Variants in HAVCR1 observed in about 807,000 individuals in gnomAD.
The protein encoded by HAVCR1 is hepatitis A virus cellular receptor 1, also known as T cell immunoglobin domain and mucin domain protein 1.
Under a neutral mutation model 32.0 loss-of-function variants are expected in HAVCR1, and 34 were observed. The observed-to-expected ratio is 1.06, with a 90% confidence interval of 0.81 to 1.42. The LOEUF is 1.42. Ranked by LOEUF, HAVCR1 falls within the 40% of genes most tolerant of loss-of-function variation. HAVCR1 has a pLI of 0.00. For synonymous variants in HAVCR1, 178 were observed against 170.3 expected (o/e 1.05, Z -0.35); for missense variants, 420 against 442.3 (o/e 0.95, Z 0.45).
intron 7 of HAVCR1, among the ~76,000 whole-genome samples, chr5:157,035,426 G>C (rs1009320213): frequency 6.6e-6 from 1 of 152,106 alleles, no homozygotes; most frequent in Non-Finnish European, 1.5e-5. Flanking sequence ...TTCTTTTATG[G>C]GAGGCAGGTT....
rs371989013 is a variant in HAVCR1 at position 157,058,663 on chromosome 5, G to T, written c.-13+258C>A. On this transcript the variant is annotated intron_variant, in intron 1 of 8. Transcript: ENST00000523175. The stretch of plus-strand genomic sequence containing the variant: ...GAGAGCAAATGCCAGCCTTCCAGTG[G>T]CAGAGATGCACTTGCTTTTCAGAGT... Among the ~76,000 whole-genome samples the T allele has an allele frequency of 1.1e-4, 16 of 152,346 alleles. 1 individual carries two copies. In the East Asian group the frequency reaches 2.5e-3, roughly 24 times the overall value.
intron 1 of HAVCR1, among the ~76,000 whole-genome samples, 190 bp downstream of exon 1, chr5:157,058,731 G>A (rs1756384191): frequency 6.6e-6 from 1 of 152,190 alleles, no homozygotes; most frequent in South Asian, 2.1e-4. Context: ...CTACTCAGTG[G>A]CCACAACGAC....
At chr5:157,047,214 TG>T (rs1299871589) in intron 5 of HAVCR1, among the ~76,000 whole-genome samples, 1 of 152,102 alleles carries the variant, frequency 6.6e-6, no homozygotes, top group African/African-American at 2.4e-5. Context: ...AGTCCTTCCC[TG>T]TGCCCCTGGG....
intron 3 of HAVCR1, among the ~76,000 whole-genome samples, 157 bp from the exon 4 acceptor site, chr5:157,052,811 G>A (rs1468292434): frequency 1.3e-5 from 2 of 152,206 alleles, no homozygotes; most frequent in African/African-American, 4.8e-5. Flanking sequence ...TAGAAACTGT[G>A]ACAGGAGAGG....
chr5:157,033,100 G>T (rs549047277), intron 7 of HAVCR1, among the ~76,000 whole-genome samples: 74 of 152,006 alleles, frequency 4.9e-4, no homozygotes, highest in African/African-American at 1.8e-3. Flanking sequence ...TAATGGTTTG[G>T]TGTATTCATC....
chr5:157,063,914 G>T (rs1353887529), upstream of HAVCR1, among the ~76,000 whole-genome samples: 2 of 152,232 alleles, frequency 1.3e-5, no homozygotes, highest in Non-Finnish European at 2.9e-5. Flanking sequence ...GCAGGAGGGT[G>T]CCTGGTGTGT....
At chr5:157,029,958 G>T in intron 8 of HAVCR1, 117 bp from the exon 9 acceptor site, 1 of 713,880 alleles carries the variant, frequency 1.4e-6, no homozygotes. Context: ...GACTCCAGGA[G>T]CCCCGTTCAC....
chr5:157,054,917 C>T (rs1756019660), intron 3 of HAVCR1, among the ~76,000 whole-genome samples: 2 of 152,164 alleles, frequency 1.3e-5, no homozygotes, highest in South Asian at 4.1e-4. Context: ...GGGACTTGAG[C>T]ATCTGCAGAT....
rs545499444 is a variant in HAVCR1 at position 157,046,529 on chromosome 5, A to G, written c.781+2509T>C. Among the ~76,000 whole-genome samples the G allele has an allele frequency of 6.6e-5, 10 of 152,342 alleles. No individual in the cohort carries two copies. In the East Asian group the frequency reaches 1.9e-3, roughly 29 times the overall value. On this transcript the variant is annotated intron_variant, in intron 5 of 8. Transcript: ENST00000523175. ...CAGAGTAGCAGGATCTCAGAGGGTCATGCCTCTTTGATGTTGGTGTGGGTG... is the reference window on the plus strand; with the variant it reads ...CAGAGTAGCAGGATCTCAGAGGGTCGTGCCTCTTTGATGTTGGTGTGGGTG...
At chr5:157,044,665 GAAA>G (rs1755250204) in intron 5 of HAVCR1, among the ~76,000 whole-genome samples, 5 of 142,908 alleles carry the variant, frequency 3.5e-5, no homozygotes, top group African/African-American at 1.3e-4. Context: ...AAGAAAGAAA[GAAA>G]GAAAGAAAGG....
intron 7 of HAVCR1, among the ~76,000 whole-genome samples, chr5:157,033,555 CTCA>C (rs1754302769): frequency 7.8e-6 from 1 of 128,586 alleles, no homozygotes. Context: ...ATCTCGATAT[CTCA>C]TCAATGGCAG....
chr5:157,047,878 G>A (rs975781832), intron 5 of HAVCR1, among the ~76,000 whole-genome samples: 3 of 152,166 alleles, frequency 2.0e-5, no homozygotes, highest in African/African-American at 7.2e-5. Context: ...GTTGGGAGGG[G>A]CAGTCTTGGG....
intron 5 of HAVCR1, among the ~76,000 whole-genome samples, chr5:157,043,015 C>T (rs1755006666): frequency 6.6e-6 from 1 of 152,100 alleles, no homozygotes; most frequent in Non-Finnish European, 1.5e-5. Flanking sequence ...GTTAAGAATG[C>T]CATTTAAAGG....
intron 5 of HAVCR1, among the ~76,000 whole-genome samples, chr5:157,044,219 C>T (rs988889561): frequency 3.3e-5 from 5 of 151,564 alleles, no homozygotes; most frequent in Non-Finnish European, 5.9e-5. Flanking sequence ...GTAATTCCAG[C>T]TACTTGGGAG....
In HAVCR1 at chr5:157,052,531, G is replaced by T. The variant is rs1208336940; in HGVS notation, c.503C>A (p.Thr168Lys). The T allele has an allele frequency of 6.3e-7, 1 of 1,588,744 alleles. No individual in the cohort carries two copies. The highest frequency in any genetic ancestry group is 8.6e-7 in the Non-Finnish European group (1 of 1,168,930). ...CGTTGTCGTTGGAATGCTCATTGTTGTTGGAACAGTTGTCGTTGGAACAGT... is the reference window on the plus strand; with the variant it reads ...CGTTGTCGTTGGAATGCTCATTGTTTTTGGAACAGTTGTCGTTGGAACAGT... ...MTTVPTTTVP[T>K]TMSIPTTTTV... Residue 168 changes from threonine to lysine, a missense_variant, in exon 4 of 9, where the codon ACA becomes AAA. Thr to Lys is a moderately conservative substitution (Grantham distance 78). Transcript: ENST00000523175.
At chr5:157,033,355 G>A (rs1247550236) in intron 7 of HAVCR1, among the ~76,000 whole-genome samples, 2 of 151,962 alleles carry the variant, frequency 1.3e-5, no homozygotes, top group African/African-American at 4.8e-5. Flanking sequence ...TTTTGCTTAA[G>A]GAGTAAAGTA....
chr5:157,042,654 T>TGAA lies in HAVCR1; in HGVS notation c.807_809dup (p.Ser270dup). On this transcript the variant is annotated inframe_insertion, in exon 6 of 9. Transcript: ENST00000523175. ...TTTGATTGTTATTCCAAAGGCCATC[T>TGAA]GAAGACTCTGTCACGGTGTCATTCC... is the stretch of plus-strand genomic sequence containing the variant. 1 of 1,596,806 alleles carries TGAA rather than the reference T, an allele frequency of 6.3e-7. No homozygotes were observed. The highest frequency in any genetic ancestry group is 8.6e-7 in the Non-Finnish European group (1 of 1,165,060).
chr5:157,044,451 G>GA (rs1212780786), intron 5 of HAVCR1, among the ~76,000 whole-genome samples: 1 of 53,714 alleles, frequency 1.9e-5, no homozygotes, highest in Non-Finnish European at 3.4e-5. Context: ...AAGAAAGAAA[G>GA]AAAGAAAGAA....
chr5:157,056,338 CTT>C (rs908880251), intron 2 of HAVCR1, among the ~76,000 whole-genome samples: 6 of 149,292 alleles, frequency 4.0e-5, no homozygotes, highest in Non-Finnish European at 6.0e-5. Flanking sequence ...TGCTAGCATT[CTT>C]TTAATTTTTT....
Sources: gnomAD v4.1 joint callset for allele counts (sites outside exome capture counted in the v4.1 genomes callset) on GRCh38, gnomAD v4.1.1 for gene constraint, MANE v1.5 for transcripts, NCBI Gene and HGNC (gene_info 2026-07-23, HGNC 2026-07-21) for gene names.